NEK7: variants seen among roughly 807,000 people sequenced by gnomAD.
The protein encoded by NEK7 is NIMA related kinase 7, also known as serine/threonine-protein kinase Nek7.
Under a neutral mutation model 44.6 loss-of-function variants are expected in NEK7, and 18 were observed. The observed-to-expected ratio is 0.40, with a 90% confidence interval of 0.28 to 0.60. NEK7 has a LOEUF of 0.60. Among genes scored for constraint, NEK7 ranks in the 20% least tolerant of loss-of-function variants. The probability of loss-of-function intolerance (pLI) is 0.38; values close to 1 mark genes in which losing one functional copy is unlikely to be tolerated. For missense variants in NEK7, 256 were observed against 366.5 expected, an observed-to-expected ratio of 0.70 and a Z score of 2.46; for synonymous variants, 130 against 121.1, an observed-to-expected ratio of 1.07 and a Z score of -0.48.
At chr1:198,228,755 A>C (rs887614784) in intron 1 of NEK7, among the ~76,000 whole-genome samples, 1 of 152,190 alleles carries the variant, frequency 6.6e-6, no homozygotes, top group African/African-American at 2.4e-5. Context: ...CTATCAGCTT[A>C]AGGAGATTTT....
intron 7 of NEK7, among the ~76,000 whole-genome samples, chr1:198,289,601 C>A (rs917992174): frequency 6.6e-6 from 1 of 152,146 alleles, no homozygotes; most frequent in Non-Finnish European, 1.5e-5. Context: ...TTAAAAAACA[C>A]ACAAAAAAGC....
intron 7 of NEK7, among the ~76,000 whole-genome samples, chr1:198,285,000 A>G (rs1654324885): frequency 1.3e-5 from 2 of 152,106 alleles, no homozygotes; most frequent in African/African-American, 4.8e-5. Context: ...ACAGATGAGA[A>G]AACTGAGATC....
In NEK7 at chr1:198,321,859, A is replaced by G. The variant is rs1655543629; in HGVS notation, c.*2337A>G. 1 of 152,124 alleles carries G rather than the reference A, an allele frequency of 6.6e-6. No individual in the cohort carries two copies. Among genetic ancestry groups the G allele is most frequent in the Non-Finnish European group, 1.5e-5 (1 of 67,960 alleles). 9.4% of individuals were successfully genotyped at this position (152,124 alleles called of 1,614,324 possible). ...GTAAATTTTATATTGATTAAGTTAA[A>G]CTTTTGAATTGATTTGAGGAGCAGT... On this transcript the variant is annotated 3_prime_UTR_variant, in exon 10 of 10. Transcript: ENST00000367385.
intron 2 of NEK7, among the ~76,000 whole-genome samples, chr1:198,240,324 G>T (rs1049519397): frequency 3.3e-5 from 5 of 152,060 alleles, no homozygotes; most frequent in African/African-American, 1.2e-4. Flanking sequence ...CATGATTTTT[G>T]AAAAGAATGA....
intron 9 of NEK7, among the ~76,000 whole-genome samples, chr1:198,318,596 A>G (rs2281950): frequency 0.035 from 5,305 of 152,248 alleles, 180 homozygotes; most frequent in East Asian, 0.19. Flanking sequence ...AAAAGAATAT[A>G]GTTTTTCCTC....
intron 9 of NEK7, among the ~76,000 whole-genome samples, chr1:198,313,777 T>A (rs1246683509): frequency 2.7e-5 from 4 of 149,272 alleles, no homozygotes; most frequent in African/African-American, 9.9e-5. Flanking sequence ...CCCACTCTCT[T>A]CTGGCTTGTA....
rs192789261 is a variant in NEK7 at position 198,299,925 on chromosome 1, G to A, written c.798+2685G>A. Among the ~76,000 whole-genome samples the A allele has an allele frequency of 4.4e-3, 674 of 152,252 alleles. 3 individuals carry two copies. The highest frequency in any genetic ancestry group is 7.8e-3 in the Non-Finnish European group (528 of 68,012). On this transcript the variant is annotated intron_variant, in intron 9 of 9. Coordinates refer to ENST00000367385, the MANE Select transcript of NEK7 (RefSeq NM_133494.3). ...AATTAAGCATTAAAACAAAAAATGAGAAGTTTTAGAAAAATAAGCCTGAAT... is the reference window on the plus strand; with the variant it reads ...AATTAAGCATTAAAACAAAAAATGAAAAGTTTTAGAAAAATAAGCCTGAAT...
At chr1:198,312,029 G>C (rs966570349) in intron 9 of NEK7, among the ~76,000 whole-genome samples, 19 of 152,180 alleles carry the variant, frequency 1.2e-4, no homozygotes, top group African/African-American at 4.3e-4. Flanking sequence ...GTTCCTCCTT[G>C]TACCTCTGGT....
intron 9 of NEK7, among the ~76,000 whole-genome samples, chr1:198,317,861 A>C (rs1655413322): frequency 9.0e-6 from 1 of 111,676 alleles, no homozygotes; most frequent in Admixed American, 9.7e-5. Context: ...TGCATTGTGT[A>C]TTACTGGATA....
chr1:198,311,181 T>C lies in NEK7; in HGVS notation c.799-8231T>C, dbSNP rs563164343. Reference sequence around the variant, plus strand: ...CCCTTGTAAGTTGGATTCCTAGGTATTTTATTCTCTTTGAAGCAATTGTGA... The same window carrying C: ...CCCTTGTAAGTTGGATTCCTAGGTACTTTATTCTCTTTGAAGCAATTGTGA... On this transcript the variant is annotated intron_variant, in intron 9 of 9. Coordinates refer to ENST00000367385, the MANE Select transcript of NEK7 (RefSeq NM_133494.3). Among the ~76,000 whole-genome samples the C allele has an allele frequency of 2.0e-3, 287 of 145,716 alleles. 1 individual carries two copies. Among genetic ancestry groups the C allele is most frequent in the African/African-American group, 7.1e-3 (273 of 38,356 alleles).
intron 1 of NEK7, among the ~76,000 whole-genome samples, chr1:198,183,017 G>A (rs558518392): frequency 1.4e-4 from 21 of 152,254 alleles, no homozygotes; most frequent in Admixed American, 1.2e-3. Flanking sequence ...TTGAGAGGAG[G>A]CCATTGTGGT....
intron 9 of NEK7, among the ~76,000 whole-genome samples, chr1:198,313,694 T>G (rs1201385781): frequency 7.4e-6 from 1 of 135,972 alleles, no homozygotes; most frequent in Non-Finnish European, 1.5e-5. Flanking sequence ...CTCCTTCACT[T>G]ATGAAGCTTA....
chr1:198,283,376 C>A (rs1202117457), intron 7 of NEK7, among the ~76,000 whole-genome samples: 9 of 152,006 alleles, frequency 5.9e-5, no homozygotes, highest in Admixed American at 5.9e-4. Context: ...ATGTGCTACC[C>A]AGAACTGAGC....
intron 9 of NEK7, among the ~76,000 whole-genome samples, chr1:198,306,991 TG>T (rs1282435825): frequency 1.3e-5 from 2 of 152,166 alleles, no homozygotes; most frequent in Non-Finnish European, 2.9e-5. Flanking sequence ...GATAATTTAT[TG>T]CAATGGACAT....
At chr1:198,199,220 C>T (rs1247044265) in intron 1 of NEK7, among the ~76,000 whole-genome samples, 1 of 152,234 alleles carries the variant, frequency 6.6e-6, no homozygotes, top group Non-Finnish European at 1.5e-5. Context: ...AATATGGTTG[C>T]AGTAGAGGTT....
At chr1:198,211,418 A>T (rs761908509) in intron 1 of NEK7, among the ~76,000 whole-genome samples, 24 of 152,226 alleles carry the variant, frequency 1.6e-4, no homozygotes, top group Non-Finnish European at 3.2e-4. Flanking sequence ...ACACTCACAG[A>T]TTACATAGTT....
chr1:198,266,956 C>A (rs1653673659), intron 5 of NEK7, among the ~76,000 whole-genome samples: 1 of 152,004 alleles, frequency 6.6e-6, no homozygotes, highest in African/African-American at 2.4e-5. Flanking sequence ...ATTTAGAAGT[C>A]ACTAGACAGG....
chr1:198,308,702 C>CT (rs1156904626), intron 9 of NEK7, among the ~76,000 whole-genome samples: 4 of 152,192 alleles, frequency 2.6e-5, no homozygotes, highest in Non-Finnish European at 5.9e-5. Context: ...ACCCTTAAAT[C>CT]TTTCTTTTCT....
At chr1:198,236,634 C>G (rs1298812537) in intron 2 of NEK7, among the ~76,000 whole-genome samples, 1 of 152,108 alleles carries the variant, frequency 6.6e-6, no homozygotes, top group Admixed American at 6.6e-5. Context: ...AGAAGAGAAC[C>G]TCCACAGACT....
Sources: allele counts gnomAD v4.1 joint callset (sites outside exome capture counted in the v4.1 genomes callset), GRCh38; gene constraint gnomAD v4.1.1; transcripts MANE v1.5; gene names NCBI Gene and HGNC (gene_info 2026-07-23, HGNC 2026-07-21).